The following ANK1 variants were observed in gnomAD, a reference collection of about 807,000 sequenced individuals.
The protein encoded by ANK1 is ankyrin-1.
In ANK1, 51 loss-of-function variants were observed where a neutral mutation model predicts 210.4. That is an observed-to-expected ratio of 0.24 (90% CI 0.19 to 0.31). The LOEUF (loss-of-function observed/expected upper bound fraction) is 0.31, where lower values mean the gene tolerates loss of function less well. Among genes scored for constraint, ANK1 ranks in the 10% least tolerant of loss-of-function variants. The pLI is 1.00. For missense variants in ANK1, 2,051 were observed against 2,504.4 expected (o/e 0.82, Z 3.86); for synonymous variants, 967 against 1,025.9 (o/e 0.94, Z 1.10).
At chr8:41,825,632 G>A (rs376620478) in intron 1 of ANK1, among the ~76,000 whole-genome samples, 1 of 152,218 alleles carries the variant, frequency 6.6e-6, no homozygotes, top group South Asian at 2.1e-4. Flanking sequence ...ACAGCGTGGT[G>A]GGATTTCACC....
intron 2 of ANK1, among the ~76,000 whole-genome samples, chr8:41,756,653 G>T (rs1008665688): frequency 2.0e-5 from 3 of 152,192 alleles, no homozygotes; most frequent in African/African-American, 7.2e-5. Context: ...ACGATGGCCA[G>T]GCTGGTCTCG....
intron 14 of ANK1, 71 bp downstream of exon 14, chr8:41,715,581 T>A: frequency 6.4e-7 from 1 of 1,572,208 alleles, no homozygotes; most frequent in Non-Finnish European, 8.7e-7. Context: ...CAGGCAGGAA[T>A]TCCCCTCCGA....
chr8:41,723,680 A>G, intron 7 of ANK1, 47 bp from the exon 8 acceptor site: 1 of 1,570,096 alleles, frequency 6.4e-7, no homozygotes, highest in Non-Finnish European at 8.7e-7. Context: ...CCTTCCCTGG[A>G]ATGCAGCTGC....
At position 41,704,148 on chromosome 8, in the gene ANK1, T is replaced by C. The variant is rs758665687; in HGVS notation, c.2197-9A>G. The stretch of plus-strand genomic sequence containing the variant: ...AGGGGGCTGTATCCTAGCTGCAAAG[T>C]GAGCAGACATTTAGGCAGGGTTAGC... On this transcript the variant is annotated splice_polypyrimidine_tract_variant and intron_variant, in intron 19 of 42. Coordinates refer to ENST00000289734, the MANE Select transcript of ANK1 (RefSeq NM_000037.4). The surrounding 1 kb of genome is among the most constrained non-coding windows in gnomAD (Gnocchi z 4.1). 1.6e-5 allele frequency: 26 copies of C among 1,612,996 alleles called. No individual in the cohort carries two copies. Among genetic ancestry groups the C allele is most frequent in the Non-Finnish European group, 3.4e-6 (4 of 1,179,486 alleles).
At chr8:41,896,394 G>A (rs1820548660) in exon 1 of ANK1, 1 of 1,602,498 alleles carries the variant, frequency 6.2e-7, no homozygotes, top group Admixed American at 1.7e-5. Flanking sequence ...TCCGCTTCCT[G>A]TTGGATTCCT....
intron 9 of ANK1, among the ~76,000 whole-genome samples, chr8:41,720,956 G>A (rs1481150034): frequency 1.3e-5 from 2 of 152,150 alleles, no homozygotes; most frequent in African/African-American, 2.4e-5. Context: ...AGGAGCTCAG[G>A]ACCTGGGACT....
At chr8:41,822,356 TTG>T (rs1480415104) in intron 1 of ANK1, among the ~76,000 whole-genome samples, 1 of 152,156 alleles carries the variant, frequency 6.6e-6, no homozygotes, top group Non-Finnish European at 1.5e-5. Flanking sequence ...GACAGCACGC[TTG>T]TGTGCTGATG....
chr8:41,729,535 C>T (rs928011802), intron 3 of ANK1, among the ~76,000 whole-genome samples: 4 of 152,190 alleles, frequency 2.6e-5, no homozygotes, highest in Admixed American at 2.6e-4. Flanking sequence ...GGGACTAAGG[C>T]GTGTGCCACC....
chr8:41,793,627 G>T (rs1009220837), intron 1 of ANK1, among the ~76,000 whole-genome samples: 113 of 152,240 alleles, frequency 7.4e-4, no homozygotes, highest in African/African-American at 2.6e-3. Context: ...CACATTCAAG[G>T]TTCCCCTCTA....
intron 2 of ANK1, among the ~76,000 whole-genome samples, chr8:41,752,806 C>CT (rs377745544): frequency 3.3e-5 from 5 of 151,658 alleles, no homozygotes; most frequent in Non-Finnish European, 5.9e-5. Flanking sequence ...AGGCCCCCCC[C>CT]CACTGCACCG....
intron 16 of ANK1, among the ~76,000 whole-genome samples, chr8:41,710,837 C>A (rs1825932350): frequency 6.6e-6 from 1 of 152,218 alleles, no homozygotes; most frequent in African/African-American, 2.4e-5. Flanking sequence ...AAGAAAGGGG[C>A]TGGCCAAGGC....
At chr8:41,885,663 G>A (rs1818336265) in intron 1 of ANK1, among the ~76,000 whole-genome samples, 1 of 152,218 alleles carries the variant, frequency 6.6e-6, no homozygotes, top group South Asian at 2.1e-4. Context: ...CTGGCACTGT[G>A]TAACCTCAGA....
chr8:41,668,208 C>A, intron 39 of ANK1, 59 bp downstream of exon 39: 1 of 1,611,504 alleles, frequency 6.2e-7, no homozygotes, highest in Non-Finnish European at 8.5e-7. Context: ...GCCCTGGAGT[C>A]CCGGCCCCTT....
intron 1 of ANK1, among the ~76,000 whole-genome samples, chr8:41,831,839 C>T (rs1806719464): frequency 6.6e-6 from 1 of 152,184 alleles, no homozygotes; most frequent in Admixed American, 6.5e-5. Flanking sequence ...GCACCTCGTA[C>T]AGTGGAGTGC....
chr8:41,806,540 C>T (rs1394044303), intron 1 of ANK1, among the ~76,000 whole-genome samples: 4 of 152,178 alleles, frequency 2.6e-5, no homozygotes, highest in African/African-American at 9.7e-5. Flanking sequence ...CATGGCGAAA[C>T]CCTGTCTCTA....
In ANK1 at chr8:41,704,128, G is replaced by C. The variant is rs765589850; in HGVS notation, c.2208C>G (p.Ser736Arg). 1.2e-6 allele frequency: 2 copies of C among 1,613,938 alleles called. No individual in the cohort carries two copies. Among genetic ancestry groups the C allele is most frequent in the Non-Finnish European group, 1.7e-6 (2 of 1,179,972 alleles). ...DVNAKTKLGYSPLHQAAQQGH... is the reference protein window; with the variant it reads ...DVNAKTKLGYRPLHQAAQQGH... ...CCTGCTGGGCTGCCTGGTGCAGGGG[G>C]CTGTATCCTAGCTGCAAAGTGAGCA... The change falls in exon 20 of 43, where the codon AGC (serine) becomes AGG (arginine). Residue 736 changes from serine to arginine, a missense_variant. Ser to Arg is a moderately radical substitution (Grantham distance 110). Transcript: ENST00000289734. The surrounding 1 kb of genome is among the most constrained non-coding windows in gnomAD (Gnocchi z 4.1).
intron 1 of ANK1, among the ~76,000 whole-genome samples, chr8:41,767,010 C>A (rs1163090852): frequency 6.6e-6 from 1 of 152,112 alleles, no homozygotes; most frequent in African/African-American, 2.4e-5. Flanking sequence ...GGCCCGGCCC[C>A]CCTCGGGGCA....
intron 2 of ANK1, among the ~76,000 whole-genome samples, chr8:41,742,221 A>G (rs1210270981): frequency 6.6e-6 from 1 of 152,206 alleles, no homozygotes; most frequent in Non-Finnish European, 1.5e-5. Context: ...TCCTCTGTTT[A>G]GCTCTTCTGA....
At chr8:41,896,013 G>C (rs893825444) in intron 1 of ANK1, among the ~76,000 whole-genome samples, 1 of 152,166 alleles carries the variant, frequency 6.6e-6, no homozygotes, top group Non-Finnish European at 1.5e-5. Flanking sequence ...ACCCGCAGCC[G>C]GCAGCCAAGG....
Sources: allele counts gnomAD v4.1 joint callset (sites outside exome capture counted in the v4.1 genomes callset), GRCh38; gene constraint gnomAD v4.1.1; non-coding constraint Gnocchi (gnomAD v3.1); transcripts MANE v1.5; gene names NCBI Gene and HGNC (gene_info 2026-07-23, HGNC 2026-07-21).